KCTD7: variants seen among roughly 807,000 people sequenced by gnomAD.
KCTD7 encodes BTB/POZ domain-containing protein KCTD7.
Under a neutral mutation model 27.0 loss-of-function variants are expected in KCTD7, and 15 were observed. That is an observed-to-expected ratio of 0.56 (90% CI 0.37 to 0.86). The LOEUF (loss-of-function observed/expected upper bound fraction) is 0.86, where lower values mean the gene tolerates loss of function less well. Among genes scored for constraint, KCTD7 ranks in the 40% least tolerant of loss-of-function variants. The pLI is 0.00. For synonymous variants in KCTD7, 159 were observed against 162.7 expected (o/e 0.98, Z 0.17); for missense variants, 299 against 398.9 (o/e 0.75, Z 2.13).
chr7:66,641,177 C>G lies in KCTD7; in HGVS notation c.*1945C>G, dbSNP rs988615646. 1.3e-5 allele frequency: 13 copies of G among 985,300 alleles called. No homozygotes were observed. In the African/African-American group the frequency reaches 2.1e-4, roughly 16 times the overall value. The allele number at this position is 985,300 out of a possible 1,614,324, so 61.0% of individuals were successfully genotyped here. ...GTTCTCGTACACAAAGGGATAGTCT[C>G]TTTTCTGGAGCTGATGTCCCTGCTT... On this transcript the variant is annotated 3_prime_UTR_variant, in exon 4 of 4. Coordinates refer to ENST00000639828, the MANE Select transcript of KCTD7 (RefSeq NM_153033.5).
Position 66,642,390 on chromosome 7 carries a change from A to T in KCTD7, c.*3158A>T. The stretch of plus-strand genomic sequence containing the variant: ...GGGAGCTGTCTGAGCCTTGTGCCTA[A>T]GGCTTATCAGGTGATATAATCTTCC... On this transcript the variant is annotated 3_prime_UTR_variant, in exon 4 of 4. Coordinates refer to ENST00000639828, the MANE Select transcript of KCTD7 (RefSeq NM_153033.5). 1 of 985,350 alleles carries T rather than the reference A, an allele frequency of 1.0e-6. No individual in the cohort carries two copies. The highest frequency in any genetic ancestry group is 1.1e-4 in the East Asian group (1 of 8,806). 61.0% of individuals were successfully genotyped at this position (985,350 alleles called of 1,614,324 possible). A position where few individuals can be genotyped will look rare whatever the true frequency, so the allele number is the denominator to read the frequency against.
chr7:66,642,765 C>A lies in KCTD7; in HGVS notation c.*3533C>A. 1.0e-6 allele frequency: 1 copy of A among 984,946 alleles called. No individual in the cohort carries two copies. Among genetic ancestry groups the A allele is most frequent in the Non-Finnish European group, 1.2e-6 (1 of 829,856 alleles). The allele number at this position is 984,946 out of a possible 1,614,324, so 61.0% of individuals were successfully genotyped here. ...GTTGGGAACTGGGGTGGGAGAGGCA[C>A]TTTTTGGAATTCTGAAAGAATCATA... On this transcript the variant is annotated 3_prime_UTR_variant, in exon 4 of 4. Coordinates refer to ENST00000639828, the MANE Select transcript of KCTD7 (RefSeq NM_153033.5).
rs1786644860 is a variant in KCTD7 at position 66,638,799 on chromosome 7, C to T, written c.494-57C>T. The T allele has an allele frequency of 3.1e-6, 5 of 1,603,960 alleles. No homozygotes were observed. In the Admixed American group the frequency reaches 8.4e-5, roughly 27 times the overall value. On this transcript the variant is annotated intron_variant, in intron 3 of 3. Transcript: ENST00000639828. ...TTCAGGACTGTTTCTCTGTGCATCT[C>T]TGCTGCCCTGTCCTGCCTCTTCACC... is the stretch of plus-strand genomic sequence containing the variant.
chr7:66,639,796 A>G lies in KCTD7; in HGVS notation c.*564A>G. ...AGTTGCCCACATTCCCAAAATGTGG[A>G]AAGACTTTTCTTTTCCTTCCGGAAC... On this transcript the variant is annotated 3_prime_UTR_variant, in exon 4 of 4. Coordinates refer to ENST00000639828, the MANE Select transcript of KCTD7 (RefSeq NM_153033.5). 8.0e-7 allele frequency: 1 copy of G among 1,250,438 alleles called. No homozygotes were observed. Among genetic ancestry groups the G allele is most frequent in the East Asian group, 3.0e-5 (1 of 33,064 alleles). The allele number at this position is 1,250,438 out of a possible 1,614,324, so 77.5% of individuals were successfully genotyped here. A position where few individuals can be genotyped will look rare whatever the true frequency, so the allele number is the denominator to read the frequency against.
Position 66,638,807 on chromosome 7 carries a change from C to T in KCTD7, c.494-49C>T, listed in dbSNP as rs1371564097. ...TGTTTCTCTGTGCATCTCTGCTGCC[C>T]TGTCCTGCCTCTTCACCCTAGTGAT... On this transcript the variant is annotated intron_variant, in intron 3 of 3. Coordinates refer to ENST00000639828, the MANE Select transcript of KCTD7 (RefSeq NM_153033.5). 3.7e-6 allele frequency: 6 copies of T among 1,610,110 alleles called. No individual in the cohort carries two copies. In the South Asian group the frequency reaches 6.6e-5, roughly 18 times the overall value.
In KCTD7 at chr7:66,641,807, C is replaced by A. The variant is rs1186236002; in HGVS notation, c.*2575C>A. 1.0e-6 allele frequency: 1 copy of A among 985,290 alleles called. No homozygotes were observed. The allele number at this position is 985,290 out of a possible 1,614,324, so 61.0% of individuals were successfully genotyped here. On this transcript the variant is annotated 3_prime_UTR_variant, in exon 4 of 4. Transcript: ENST00000639828. Reference sequence around the variant, plus strand: ...TAGATGTGGTGGATTGTGGTAACGGCCTCCAGATAAAGGGGTTATCCCTGT... The same window carrying A: ...TAGATGTGGTGGATTGTGGTAACGGACTCCAGATAAAGGGGTTATCCCTGT...
intron 1 of KCTD7, 89 bp from the exon 2 acceptor site, chr7:66,633,185 GC>G: frequency 7.7e-7 from 1 of 1,303,854 alleles, no homozygotes. Flanking sequence ...GAATGGTGTG[GC>G]ACCAATCAGA....
rs1410040146 is a variant in KCTD7 at position 66,638,653 on chromosome 7, C to T, written c.494-203C>T. The T allele has an allele frequency of 7.7e-6, 6 of 780,204 alleles. No individual in the cohort carries two copies. The East Asian group carries it at 8.0e-5, about 10-fold the overall frequency. 48.3% of individuals were successfully genotyped at this position (780,204 alleles called of 1,614,324 possible). A position where few individuals can be genotyped will look rare whatever the true frequency, so the allele number is the denominator to read the frequency against. On this transcript the variant is annotated intron_variant, in intron 3 of 3. Transcript: ENST00000639828. ...AATTGTATTTCAGAAGGACAGCCCT[C>T]GTCCCATTGGCTTCCCTTTGCTGTG...
chr7:66,637,086 TTTTG>T lies in KCTD7; in HGVS notation c.315-1155_315-1152del, dbSNP rs937028315. 1.3e-3 allele frequency among the ~76,000 whole-genome samples: 191 copies of T among 152,346 alleles called. 1 individual carries two copies. Among genetic ancestry groups the T allele is most frequent in the African/African-American group, 4.2e-3 (173 of 41,580 alleles). On this transcript the variant is annotated intron_variant, in intron 2 of 3. Coordinates refer to ENST00000639828, the MANE Select transcript of KCTD7 (RefSeq NM_153033.5). ...TGTGCTTGTGTCCACTAAAGGTTTCTTTTGTTTGTTTGTTTTTGTGATGGAGTCT... is the reference window on the plus strand; with the variant it reads ...TGTGCTTGTGTCCACTAAAGGTTTCTTTTGTTTGTTTTTGTGATGGAGTCT...
chr7:66,632,591 G>T (rs1206504513), intron 1 of KCTD7, among the ~76,000 whole-genome samples: 1 of 152,026 alleles, frequency 6.6e-6, no homozygotes, highest in Non-Finnish European at 1.5e-5. Context: ...CATTTAACTT[G>T]CCATATAGAC....
chr7:66,633,809 G>A (rs1786510647), intron 2 of KCTD7, among the ~76,000 whole-genome samples: 2 of 151,698 alleles, frequency 1.3e-5, no homozygotes, highest in African/African-American at 4.8e-5. Context: ...ACAGCATGGT[G>A]AAACCCCATC....
In KCTD7 at chr7:66,639,846, T is replaced by C; in HGVS notation, c.*614T>C. On this transcript the variant is annotated 3_prime_UTR_variant, in exon 4 of 4. Coordinates refer to ENST00000639828, the MANE Select transcript of KCTD7 (RefSeq NM_153033.5). ...CATGTTCTTCACCACCTTTTGGAGA[T>C]TTAACCATAGCTGCCAAAGCTATGC... 1 of 1,247,848 alleles carries C rather than the reference T, an allele frequency of 8.0e-7. No individual in the cohort carries two copies. The highest frequency in any genetic ancestry group is 1.0e-6 in the Non-Finnish European group (1 of 996,860). The allele number at this position is 1,247,848 out of a possible 1,614,324, so 77.3% of individuals were successfully genotyped here.
In KCTD7 at chr7:66,641,266, T is replaced by A; in HGVS notation, c.*2034T>A. 1 of 985,402 alleles carries A rather than the reference T, an allele frequency of 1.0e-6. No individual in the cohort carries two copies. Among genetic ancestry groups the A allele is most frequent in the Non-Finnish European group, 1.2e-6 (1 of 829,926 alleles). 61.0% of individuals were successfully genotyped at this position (985,402 alleles called of 1,614,324 possible). A position where few individuals can be genotyped will look rare whatever the true frequency, so the allele number is the denominator to read the frequency against. On this transcript the variant is annotated 3_prime_UTR_variant, in exon 4 of 4. Transcript: ENST00000639828. ...AGAGAAAAGGCTTTCATTTTGGTTC[T>A]TCTGATTGGTGTTACCTACTGCCTA...
At chr7:66,634,984 C>G (rs1044752615) in intron 2 of KCTD7, among the ~76,000 whole-genome samples, 18 of 149,824 alleles carry the variant, frequency 1.2e-4, no homozygotes, top group African/African-American at 3.9e-4. Context: ...CCACTGTGCT[C>G]CAGCCAGGGC....
intron 2 of KCTD7, among the ~76,000 whole-genome samples, chr7:66,634,113 C>CTATAT (rs1786519569): frequency 7.6e-6 from 1 of 132,260 alleles, no homozygotes; most frequent in African/African-American, 3.0e-5. Flanking sequence ...TGTGTGTATA[C>CTATAT]ATATATATAT....
Position 66,641,785 on chromosome 7 carries a change from A to T in KCTD7, c.*2553A>T. 1 of 985,384 alleles carries T rather than the reference A, an allele frequency of 1.0e-6. No individual in the cohort carries two copies. Among genetic ancestry groups the T allele is most frequent in the Non-Finnish European group, 1.2e-6 (1 of 829,936 alleles). 61.0% of individuals were successfully genotyped at this position (985,384 alleles called of 1,614,324 possible). ...AGGCCAGGCTGAAAAGTGCAATTAG[A>T]TGTGGTGGATTGTGGTAACGGCCTC... is the stretch of plus-strand genomic sequence containing the variant. On this transcript the variant is annotated 3_prime_UTR_variant, in exon 4 of 4. Coordinates refer to ENST00000639828, the MANE Select transcript of KCTD7 (RefSeq NM_153033.5).
Position 66,642,656 on chromosome 7 carries a change from T to A in KCTD7, c.*3424T>A. The A allele has an allele frequency of 1.0e-6, 1 of 985,456 alleles. No homozygotes were observed. Among genetic ancestry groups the A allele is most frequent in the Non-Finnish European group, 1.2e-6 (1 of 829,936 alleles). 61.0% of individuals were successfully genotyped at this position (985,456 alleles called of 1,614,324 possible). ...TACATTATTAAGCTTTCTTGGGTACTATTTTGCTGGGGCTCTTGCGTGAAG... is the reference window on the plus strand; with the variant it reads ...TACATTATTAAGCTTTCTTGGGTACAATTTTGCTGGGGCTCTTGCGTGAAG... On this transcript the variant is annotated 3_prime_UTR_variant, in exon 4 of 4. Coordinates refer to ENST00000639828, the MANE Select transcript of KCTD7 (RefSeq NM_153033.5).
chr7:66,633,485 G>A (rs1786503859), intron 2 of KCTD7, 41 bp downstream of exon 2: 1 of 1,599,386 alleles, frequency 6.3e-7, no homozygotes, highest in Non-Finnish European at 8.6e-7. Context: ...AGTCCTAGCA[G>A]GTGATTAGCG....
intron 1 of KCTD7, among the ~76,000 whole-genome samples, chr7:66,632,246 G>A (rs560423670): frequency 6.6e-6 from 1 of 151,456 alleles, no homozygotes; most frequent in South Asian, 2.1e-4. Flanking sequence ...CCAGCACTTG[G>A]GGAGGCCAAG....
Sources: gnomAD v4.1 joint callset for allele counts (sites outside exome capture counted in the v4.1 genomes callset) on GRCh38, gnomAD v4.1.1 for gene constraint, MANE v1.5 for transcripts, NCBI Gene and HGNC (gene_info 2026-07-23, HGNC 2026-07-21) for gene names.